Variants in MMP26 observed in about 807,000 individuals in gnomAD.
MMP26 encodes matrix metallopeptidase 26, also known as matrix metalloproteinase-26.
Under a neutral mutation model 31.0 loss-of-function variants are expected in MMP26, and 33 were observed. The ratio of observed to expected loss-of-function variants is 1.06; its 90% CI spans 0.81 to 1.42. The LOEUF (loss-of-function observed/expected upper bound fraction) is 1.42. MMP26 is among the 40% of genes most tolerant of loss of function. MMP26 has a pLI of 0.00. For missense variants in MMP26, 347 were observed against 316.1 expected (o/e 1.10, Z -0.74); for synonymous variants, 122 against 114.9 (o/e 1.06, Z -0.40).
At chr11:4,852,559 CA>C (rs1254678096) in intron 2 of MMP26, among the ~76,000 whole-genome samples, 1 of 152,092 alleles carries the variant, frequency 6.6e-6, no homozygotes, top group Non-Finnish European at 1.5e-5. Flanking sequence ...GATCAATAGC[CA>C]AACTAAACAA....
chr11:4,911,350 A>T (rs1850988756), intron 2 of MMP26, among the ~76,000 whole-genome samples: 1 of 152,152 alleles, frequency 6.6e-6, no homozygotes, highest in Non-Finnish European at 1.5e-5. Context: ...GATCATCCCA[A>T]GTTGCAAAAT....
At chr11:4,723,975 G>A in intron 1 of MMP26, 2 of 743,902 alleles carry the variant, frequency 2.7e-6, no homozygotes, top group Admixed American at 3.6e-5. Context: ...GGTTGACTGT[G>A]TCAGTGGTGA....
At chr11:4,755,421 T>C (rs1432215118) in intron 1 of MMP26, among the ~76,000 whole-genome samples, 1 of 151,990 alleles carries the variant, frequency 6.6e-6, no homozygotes, top group African/African-American at 2.4e-5. Flanking sequence ...GTGGAGTCTG[T>C]ACCAACATAA....
At chr11:4,876,181 G>C (rs1850376462) in intron 2 of MMP26, 1 of 152,110 alleles carries the variant, frequency 6.6e-6, no homozygotes, top group African/African-American at 2.4e-5. Flanking sequence ...CATGGTTATT[G>C]GTGTTCGTGT....
At chr11:4,882,836 G>T (rs927693758) in intron 2 of MMP26, 9 of 1,613,704 alleles carry the variant, frequency 5.6e-6, no homozygotes, top group East Asian at 2.2e-5. Flanking sequence ...CCAATCCAAG[G>T]GTTCATGGGG....
chr11:4,831,084 C>T (rs1849640017), intron 2 of MMP26, among the ~76,000 whole-genome samples: 1 of 152,176 alleles, frequency 6.6e-6, no homozygotes, highest in African/African-American at 2.4e-5. Context: ...TTGCAGCATA[C>T]AGAGTAGCTG....
intron 2 of MMP26, among the ~76,000 whole-genome samples, chr11:4,969,032 T>A (rs183679372): frequency 5.9e-5 from 9 of 152,170 alleles, no homozygotes; most frequent in Non-Finnish European, 1.3e-4. Flanking sequence ...TTCCTTATTA[T>A]TTAAGTAGTT....
intron 2 of MMP26, among the ~76,000 whole-genome samples, chr11:4,825,360 C>T (rs1027847180): frequency 6.6e-6 from 1 of 152,090 alleles, no homozygotes; most frequent in Non-Finnish European, 1.5e-5. Context: ...ACCTGAGCAG[C>T]CTGCCTTGTA....
chr11:4,830,779 G>A (rs12420732), intron 2 of MMP26, among the ~76,000 whole-genome samples: 23,459 of 152,130 alleles, frequency 0.15, 2,323 homozygotes, highest in East Asian at 0.27. Context: ...AGTATGATCA[G>A]GATCAAACCC....
intron 2 of MMP26, among the ~76,000 whole-genome samples, chr11:4,836,521 T>C (rs1176194346): frequency 1.3e-5 from 2 of 151,406 alleles, no homozygotes; most frequent in Admixed American, 6.6e-5. Flanking sequence ...GATTCTGCCA[T>C]TAGTAAATAT....
chr11:4,705,918 G>A (rs920701242), intron 1 of MMP26, among the ~76,000 whole-genome samples: 3 of 144,944 alleles, frequency 2.1e-5, no homozygotes, highest in African/African-American at 7.5e-5. Flanking sequence ...AACCTGGGAG[G>A]AGTAGGTGAT....
chr11:4,774,611 G>A (rs1021411599), intron 2 of MMP26, among the ~76,000 whole-genome samples: 1 of 152,140 alleles, frequency 6.6e-6, no homozygotes, highest in Non-Finnish European at 1.5e-5. Flanking sequence ...TTCTTTTGCT[G>A]TGCAGAAGCT....
chr11:4,823,029 C>G (rs1849531828), intron 2 of MMP26, among the ~76,000 whole-genome samples: 1 of 151,902 alleles, frequency 6.6e-6, no homozygotes, highest in Non-Finnish European at 1.5e-5. Context: ...TTTTTTAAAC[C>G]AAGATTTATC....
At position 4,803,442 on chromosome 11, in the gene MMP26, G is replaced by A. The variant is rs761151762; in HGVS notation, c.-145+36101G>A. ...TACACTGACCCTTTGCTCAGGGGAT[G>A]TTTCCACAACATCCTTGGATAACCC... On this transcript the variant is annotated intron_variant, in intron 2 of 7. Coordinates refer to ENST00000380390, the MANE Select transcript of MMP26 (RefSeq NM_021801.5). 10 of 1,602,772 alleles carry A rather than the reference G, an allele frequency of 6.2e-6. No homozygotes were observed. In the African/African-American group the frequency reaches 9.4e-5, roughly 15 times the overall value.
intron 2 of MMP26, among the ~76,000 whole-genome samples, chr11:4,801,906 A>G (rs539547547): frequency 1.3e-5 from 2 of 152,028 alleles, no homozygotes; most frequent in East Asian, 1.9e-4. Flanking sequence ...CACCAAGGAG[A>G]TAGTGCTAAG....
intron 2 of MMP26, among the ~76,000 whole-genome samples, chr11:4,982,373 C>A (rs1241359909): frequency 6.6e-6 from 1 of 152,096 alleles, no homozygotes; most frequent in Non-Finnish European, 1.5e-5. Context: ...AGCTTCATTA[C>A]AATCTTATGG....
intron 2 of MMP26, chr11:4,908,116 C>T (rs762029615): frequency 4.3e-6 from 7 of 1,614,084 alleles, no homozygotes; most frequent in South Asian, 2.2e-5. Flanking sequence ...CTGTGCTCAC[C>T]TTCTATGTGC....
At chr11:4,765,156 GT>G (rs765859936) in intron 1 of MMP26, among the ~76,000 whole-genome samples, 4 of 152,172 alleles carry the variant, frequency 2.6e-5, no homozygotes, top group Non-Finnish European at 5.9e-5. Flanking sequence ...AACAGCCCTA[GT>G]TCATCGTCAT....
chr11:4,819,650 C>G (rs2133469583), intron 2 of MMP26, among the ~76,000 whole-genome samples: 1 of 127,954 alleles, frequency 7.8e-6, no homozygotes, highest in South Asian at 2.6e-4. Flanking sequence ...ACATTCATGA[C>G]TCACTGCAAT....
Sources: gnomAD v4.1 joint callset for allele counts (sites outside exome capture counted in the v4.1 genomes callset) on GRCh38, gnomAD v4.1.1 for gene constraint, MANE v1.5 for transcripts, NCBI Gene and HGNC (gene_info 2026-07-23, HGNC 2026-07-21) for gene names.